The following FBRSL1 variants were observed in gnomAD, a reference collection of about 807,000 sequenced individuals.
FBRSL1 encodes fibrosin-1-like protein.
A neutral mutation model predicts 89.6 loss-of-function variants in FBRSL1; 51 were observed. The observed-to-expected ratio is 0.57, with a 90% CI of 0.45 to 0.72. The LOEUF is 0.72. FBRSL1 is among the 30% of genes least tolerant of loss of function. The pLI is 0.00. For synonymous variants in FBRSL1, 779 were observed against 681.1 expected, an observed-to-expected ratio of 1.14 and a Z score of -2.24; for missense variants, 1,618 against 1,451.8, an observed-to-expected ratio of 1.11 and a Z score of -1.86.
At position 132,581,733 on chromosome 12, in the gene FBRSL1, C is replaced by T. The variant is rs749992125; in HGVS notation, c.1913-8C>T. On this transcript the variant is annotated splice_region_variant and splice_polypyrimidine_tract_variant and intron_variant, in intron 16 of 18. Transcript: ENST00000680143. ...ACAGACCTCTGGGTCCCGCGGTTGCCCCCACAGACCCTTTCAGCAGACCGA... is the reference window on the plus strand; with the variant it reads ...ACAGACCTCTGGGTCCCGCGGTTGCTCCCACAGACCCTTTCAGCAGACCGA... 1.3e-6 allele frequency: 2 copies of T among 1,550,138 alleles called. No homozygotes were observed. The highest frequency in any genetic ancestry group is 2.4e-5 in the South Asian group (2 of 84,064).
At chr12:132,493,710 C>A (rs1045627240) in intron 1 of FBRSL1, among the ~76,000 whole-genome samples, 40 of 152,124 alleles carry the variant, frequency 2.6e-4, no homozygotes, top group Non-Finnish European at 1.3e-4. Flanking sequence ...GCCCCCGCCC[C>A]CTTTGTGTAC....
chr12:132,545,102 C>T (rs1275489728), intron 4 of FBRSL1, among the ~76,000 whole-genome samples: 1 of 152,048 alleles, frequency 6.6e-6, no homozygotes, highest in East Asian at 1.9e-4. Flanking sequence ...GGGCCTCGCC[C>T]AGTGTGGGGC....
At chr12:132,505,878 G>A (rs1340622288) in intron 1 of FBRSL1, among the ~76,000 whole-genome samples, 6 of 152,378 alleles carry the variant, frequency 3.9e-5, no homozygotes, top group Admixed American at 6.5e-5. Context: ...CAGGCGAAGC[G>A]CTGGCTGGCA....
chr12:132,583,947 G>GT lies in FBRSL1; in HGVS notation c.*173dup. 3.3e-6 allele frequency: 1 copy of GT among 302,346 alleles called. No homozygotes were observed. The highest frequency in any genetic ancestry group is 6.0e-6 in the Non-Finnish European group (1 of 167,564). The allele number at this position is 302,346 out of a possible 1,614,324, so 18.7% of individuals were successfully genotyped here. A position where few individuals can be genotyped will look rare whatever the true frequency, so the allele number is the denominator to read the frequency against. On this transcript the variant is annotated 3_prime_UTR_variant, in exon 19 of 19. Coordinates refer to ENST00000680143, the MANE Select transcript of FBRSL1 (RefSeq NM_001367871.1). The stretch of plus-strand genomic sequence containing the variant: ...TCGGCTTTTCTGAGGGTGATCTTTT[G>GT]TTTTCCGAGTTTGGGATTCGGCTGT...
At chr12:132,571,548 GGGGGCGGGGGCGGGCGT>G (rs756364864) in intron 9 of FBRSL1, 2 of 1,350,004 alleles carry the variant, frequency 1.5e-6, no homozygotes, top group East Asian at 3.1e-5. Flanking sequence ...CGTGCTGGCA[GGGGGCGGGGGCGGGCGT>G]GGGGCGGGGA....
In FBRSL1 at chr12:132,525,723, C is replaced by G. The variant is rs1234289207; in HGVS notation, c.490-11C>G. 1.3e-6 allele frequency: 2 copies of G among 1,546,260 alleles called. No homozygotes were observed. Among genetic ancestry groups the G allele is most frequent in the African/African-American group, 2.7e-5 (2 of 72,964 alleles). ...GGGGTTTGCCTGAGACAGTGTCTCT[C>G]TCTGTCCCAGATGAAGGTCACCGTG... On this transcript the variant is annotated splice_polypyrimidine_tract_variant and intron_variant, in intron 2 of 18. Coordinates refer to ENST00000680143, the MANE Select transcript of FBRSL1 (RefSeq NM_001367871.1).
At chr12:132,557,978 G>A (rs1000089057) in intron 5 of FBRSL1, among the ~76,000 whole-genome samples, 2 of 152,154 alleles carry the variant, frequency 1.3e-5, no homozygotes, top group African/African-American at 4.8e-5. Flanking sequence ...GGCCAGGCAC[G>A]CAGGAAGGGG....
At position 132,570,209 on chromosome 12, in the gene FBRSL1, C is replaced by T; in HGVS notation, c.975C>T (p.Ser325=). The part of the protein sequence containing the change: ...PASLGAFAGH[S]QAAANGLHGL... ...CCCTGGGCGCCTTCGCGGGCCACAG[C>T]CAGGCGGCAGCCAACGGCCTGCACG... is the stretch of plus-strand genomic sequence containing the variant. The change falls in exon 7 of 19, where the codon AGC becomes AGT. Residue 325 remains serine (S), a synonymous_variant. Coordinates refer to ENST00000680143, the MANE Select transcript of FBRSL1 (RefSeq NM_001367871.1). 2 of 1,504,208 alleles carry T rather than the reference C, an allele frequency of 1.3e-6. No individual in the cohort carries two copies. The highest frequency in any genetic ancestry group is 2.2e-5 in the Admixed American group (1 of 46,334). 93.2% of individuals were successfully genotyped at this position (1,504,208 alleles called of 1,614,324 possible).
chr12:132,502,721 C>T (rs1436993886), intron 1 of FBRSL1, among the ~76,000 whole-genome samples: 3 of 148,458 alleles, frequency 2.0e-5, no homozygotes, highest in East Asian at 2.0e-4. Context: ...CTTCAGGCCT[C>T]GAGCCCGCTA....
At chr12:132,576,740 C>G (rs1222169407) in intron 14 of FBRSL1, 59 bp from the exon 15 acceptor site, 5 of 1,514,106 alleles carry the variant, frequency 3.3e-6, no homozygotes, top group Non-Finnish European at 4.4e-6. Flanking sequence ...CAGGCCTGGG[C>G]TCCCTGTGTT....
At chr12:132,577,026 T>C in intron 15 of FBRSL1, 95 bp downstream of exon 15, 1 of 1,454,984 alleles carries the variant, frequency 6.9e-7, no homozygotes, top group Non-Finnish European at 9.2e-7. Flanking sequence ...GAGCGCTCTC[T>C]GGACCGCAGC....
intron 2 of FBRSL1, among the ~76,000 whole-genome samples, chr12:132,522,470 T>C (rs2035444751): frequency 6.6e-6 from 1 of 152,190 alleles, no homozygotes; most frequent in South Asian, 2.1e-4. Flanking sequence ...GTGCTCCTGG[T>C]CCCACCAGCG....
chr12:132,547,555 A>T (rs1194259718), intron 4 of FBRSL1, among the ~76,000 whole-genome samples: 1 of 150,742 alleles, frequency 6.6e-6, no homozygotes, highest in Non-Finnish European at 1.5e-5. Context: ...CTCCCAGCCC[A>T]TGTGGTGCCA....
At chr12:132,574,593 CT>C in intron 14 of FBRSL1, 29 bp downstream of exon 14, 1 of 1,542,880 alleles carries the variant, frequency 6.5e-7, no homozygotes, top group Non-Finnish European at 8.7e-7. Flanking sequence ...GGGCAGGGCG[CT>C]TGTGAACCCG....
Position 132,583,076 on chromosome 12 carries a change from G to A in FBRSL1, c.2307G>A (p.Arg769=), listed in dbSNP as rs12831275. The change falls in exon 19 of 19, where the codon CGG becomes CGA. Residue 769 remains arginine (R), a synonymous_variant. Transcript: ENST00000680143. ...LLLRAQSELG[R]SGAPAEREAE... The stretch of plus-strand genomic sequence containing the variant: ...TCCGGGCCCAGAGCGAGCTGGGCCG[G>A]TCCGGGGCCCCCGCGGAGCGCGAGG... The A allele has an allele frequency of 0.13, 182,651 of 1,444,340 alleles. 12,517 individuals are homozygous for A. Among genetic ancestry groups the A allele is most frequent in the African/African-American group, 0.22 (14,754 of 67,030 alleles). 89.5% of individuals were successfully genotyped at this position (1,444,340 alleles called of 1,614,324 possible). A position where few individuals can be genotyped will look rare whatever the true frequency, so the allele number is the denominator to read the frequency against.
chr12:132,510,012 C>T (rs923403658), intron 2 of FBRSL1: 2 of 1,231,510 alleles, frequency 1.6e-6, no homozygotes, highest in Non-Finnish European at 1.0e-6. Context: ...GCAGCCCCAG[C>T]GGTTAGTGGA....
At chr12:132,514,113 C>T (rs948532447) in intron 2 of FBRSL1, among the ~76,000 whole-genome samples, 1 of 152,246 alleles carries the variant, frequency 6.6e-6, no homozygotes, top group African/African-American at 2.4e-5. Flanking sequence ...ACGATGAGCT[C>T]CGCCTCTGTT....
chr12:132,583,184 C>T lies in FBRSL1; in HGVS notation c.2415C>T (p.Ser805=), dbSNP rs1300474405. Residue 805 remains serine (S), a synonymous_variant, in exon 19 of 19, where the codon AGC becomes AGT. Transcript: ENST00000680143. ...CCGCGCGCGCATCCCCGCCCCACAG[C>T]AAGGCGGCCCCTGGAGACGTGAAGG... ...KMPARASPPH[S]KAAPGDVKVK... 1 of 1,451,646 alleles carries T rather than the reference C, an allele frequency of 6.9e-7. No homozygotes were observed. The highest frequency in any genetic ancestry group is 9.0e-7 in the Non-Finnish European group (1 of 1,105,584). 89.9% of individuals were successfully genotyped at this position (1,451,646 alleles called of 1,614,324 possible). A position where few individuals can be genotyped will look rare whatever the true frequency, so the allele number is the denominator to read the frequency against.
chr12:132,542,515 T>C (rs1050646774), intron 4 of FBRSL1, among the ~76,000 whole-genome samples: 4 of 152,212 alleles, frequency 2.6e-5, no homozygotes, highest in African/African-American at 7.2e-5. Flanking sequence ...GGAACCTTCA[T>C]GCAGTGCCTC....
Sources: gnomAD v4.1 joint callset for allele counts (sites outside exome capture counted in the v4.1 genomes callset) on GRCh38, gnomAD v4.1.1 for gene constraint, MANE v1.5 for transcripts, NCBI Gene and HGNC (gene_info 2026-07-23, HGNC 2026-07-21) for gene names.